The following CCDC40 variants were observed in gnomAD, a reference collection of about 807,000 sequenced individuals.
The protein encoded by CCDC40 is coiled-coil domain 40 molecular ruler complex subunit, also known as coiled-coil domain-containing protein 40.
Under a neutral mutation model 124.5 loss-of-function variants are expected in CCDC40, and 104 were observed. The ratio of observed to expected loss-of-function variants is 0.84; its 90% CI spans 0.71 to 0.98. CCDC40 has a LOEUF of 0.98. CCDC40 is among the 50% of genes least tolerant of loss of function. CCDC40 has a pLI of 0.00. For missense variants in CCDC40, 1,463 were observed against 1,503.9 expected, an observed-to-expected ratio of 0.97 and a Z score of 0.45; for synonymous variants, 580 against 602.9, an observed-to-expected ratio of 0.96 and a Z score of 0.56.
intron 9 of CCDC40, among the ~76,000 whole-genome samples, chr17:80,061,694 C>G (rs2037900992): frequency 6.6e-6 from 1 of 152,208 alleles, no homozygotes. Context: ...CCCTGTTCAT[C>G]GAGCGAAGTC....
intron 9 of CCDC40, among the ~76,000 whole-genome samples, chr17:80,062,278 C>G (rs368172196): frequency 1.6e-4 from 25 of 152,234 alleles, no homozygotes; most frequent in African/African-American, 5.8e-4. Context: ...GACATGGAAA[C>G]CTGTCTCGAT....
At chr17:80,047,619 CCTT>C (rs1320029783) in intron 4 of CCDC40, among the ~76,000 whole-genome samples, 4 of 152,238 alleles carry the variant, frequency 2.6e-5, no homozygotes, top group Non-Finnish European at 4.4e-5. Context: ...AAGTAGGAAT[CCTT>C]CTCCATTTAA....
At position 80,058,592 on chromosome 17, in the gene CCDC40, CA is replaced by C. The variant is rs760807169; in HGVS notation, c.1260del (p.Val421TrpfsTer2). 1 of 1,614,178 alleles carries C rather than the reference CA, an allele frequency of 6.2e-7. No homozygotes were observed. ...GCGTGACGACATCCGCGTGATGACACAAGTGGTAAAGAAGGCCGAGACGGAG... is the reference window on the plus strand; with the variant it reads ...GCGTGACGACATCCGCGTGATGACACAGTGGTAAAGAAGGCCGAGACGGAG... ...DMRDDIRVMT[Q>X]VVKKAETERI... On this transcript the variant is annotated frameshift_variant, in exon 8 of 20. Coordinates refer to ENST00000397545, the MANE Select transcript of CCDC40 (RefSeq NM_017950.4). LOFTEE classifies it high-confidence loss of function. The surrounding 1 kb of genome is among the most constrained non-coding windows in gnomAD (Gnocchi z 4.2).
chr17:80,073,341 C>G lies in CCDC40; in HGVS notation c.1562+7735C>G, dbSNP rs188188903. Among the ~76,000 whole-genome samples, 633 of 152,336 alleles carry G rather than the reference C, an allele frequency of 4.2e-3. 7 individuals are homozygous for G. The highest frequency in any genetic ancestry group is 0.015 in the African/African-American group (617 of 41,576). On this transcript the variant is annotated intron_variant, in intron 10 of 19. Transcript: ENST00000397545. ...GCTCCGTGTGGAGCAAGTCCACCGG[C>G]ACCATCTCTCCAGCGGTGCGTGCTC...
At chr17:80,039,769 T>G in intron 2 of CCDC40, 43 bp from the exon 3 acceptor site, 2 of 1,605,698 alleles carry the variant, frequency 1.2e-6, no homozygotes, top group Non-Finnish European at 1.7e-6. Context: ...ACAAGGTCCT[T>G]TATACTTTGT....
At position 80,087,333 on chromosome 17, in the gene CCDC40, C is replaced by T. The variant is rs2038607208; in HGVS notation, c.2450-274C>T. 9.7e-6 allele frequency: 5 copies of T among 513,970 alleles called. No homozygotes were observed. The East Asian group carries it at 1.8e-4, about 19-fold the overall frequency. 31.8% of individuals were successfully genotyped at this position (513,970 alleles called of 1,614,324 possible). A position where few individuals can be genotyped will look rare whatever the true frequency, so the allele number is the denominator to read the frequency against. On this transcript the variant is annotated intron_variant, in intron 14 of 19. Transcript: ENST00000397545. The surrounding 1 kb of genome is among the most constrained non-coding windows in gnomAD (Gnocchi z 4.5). ...GGCCCTCCCACACGCCCTGCCCACA[C>T]CTGCTGGCTGTCCCCACAGGCAGGT...
intron 19 of CCDC40, 78 bp from the exon 20 acceptor site, chr17:80,099,449 A>C: frequency 6.5e-7 from 1 of 1,536,004 alleles, no homozygotes. Context: ...ATTTCCTGGA[A>C]TCTGAGTTTG....
intron 10 of CCDC40, chr17:80,067,256 A>G (rs11867737): frequency 0.048 from 22,333 of 467,772 alleles, 3,445 homozygotes; most frequent in African/African-American, 0.36. Context: ...CCTCAGAGAC[A>G]TGGCTTCCTT....
chr17:80,038,667 A>G (rs1047731959), intron 2 of CCDC40, among the ~76,000 whole-genome samples: 2 of 151,546 alleles, frequency 1.3e-5, no homozygotes, highest in Non-Finnish European at 2.9e-5. Flanking sequence ...TCTACTAAAA[A>G]TACAAAAATT....
chr17:80,086,230 T>C lies in CCDC40; in HGVS notation c.2449+14T>C. On this transcript the variant is annotated intron_variant, in intron 14 of 19. Coordinates refer to ENST00000397545, the MANE Select transcript of CCDC40 (RefSeq NM_017950.4). This position sits in a 1 kb window ranked among gnomAD's most constrained non-coding sequence, Gnocchi z 5.5. ...TACGAGTAGAAAGTAAGAGCCGCCGTGCCCGGCCCTGCAGTGATGCTGAGA... is the reference window on the plus strand; with the variant it reads ...TACGAGTAGAAAGTAAGAGCCGCCGCGCCCGGCCCTGCAGTGATGCTGAGA... The C allele has an allele frequency of 2.5e-6, 4 of 1,570,536 alleles. No individual in the cohort carries two copies. The highest frequency in any genetic ancestry group is 1.4e-5 in the African/African-American group (1 of 73,866).
chr17:80,062,448 TC>T (rs955511383), intron 9 of CCDC40, among the ~76,000 whole-genome samples: 2 of 144,760 alleles, frequency 1.4e-5, no homozygotes, highest in East Asian at 3.9e-4. Context: ...ATGCTATCTC[TC>T]CCCCCTCCCC....
At chr17:80,090,406 C>G (rs1399758254) in intron 17 of CCDC40, 8 of 848,142 alleles carry the variant, frequency 9.4e-6, no homozygotes, top group Middle Eastern at 3.2e-4. Context: ...ATGAACAACA[C>G]AGGACACACA....
intron 7 of CCDC40, among the ~76,000 whole-genome samples, chr17:80,050,795 G>C (rs1568678298): frequency 6.6e-6 from 1 of 152,214 alleles, no homozygotes; most frequent in Non-Finnish European, 1.5e-5. Flanking sequence ...TGCTGAAGCT[G>C]CTAACAGCCA....
chr17:80,088,405 C>T, intron 16 of CCDC40: 1 of 421,574 alleles, frequency 2.4e-6, no homozygotes, highest in Non-Finnish European at 4.5e-6. Context: ...GTGCCCGCCA[C>T]CATGCCTCAC....
chr17:80,047,595 A>G, intron 4 of CCDC40, 193 bp downstream of exon 4: 1 of 629,434 alleles, frequency 1.6e-6, no homozygotes, highest in Non-Finnish European at 2.8e-6. Context: ...ATTTAATCCT[A>G]ACAGTGACCG....
intron 2 of CCDC40, 124 bp from the exon 3 acceptor site, chr17:80,039,688 T>G: frequency 7.9e-7 from 1 of 1,263,646 alleles, no homozygotes; most frequent in South Asian, 1.5e-5. Flanking sequence ...ACATGATCTC[T>G]TAGTGATGCT....
At chr17:80,074,441 C>T (rs1036695767) in intron 10 of CCDC40, among the ~76,000 whole-genome samples, 4 of 152,246 alleles carry the variant, frequency 2.6e-5, no homozygotes, top group East Asian at 1.9e-4. Context: ...GCCGAGATCG[C>T]GCCACTGCAC....
At chr17:80,067,812 C>A (rs1008879622) in intron 10 of CCDC40, 5 of 1,444,998 alleles carry the variant, frequency 3.5e-6, no homozygotes, top group Non-Finnish European at 4.5e-6. Flanking sequence ...AGTCCCCTGA[C>A]AGCTCAGCAT....
intron 10 of CCDC40, among the ~76,000 whole-genome samples, chr17:80,070,856 T>G (rs2038169234): frequency 6.6e-6 from 1 of 152,212 alleles, no homozygotes; most frequent in South Asian, 2.1e-4. Flanking sequence ...GTCCTGTCCC[T>G]TCTTCCCACC....
Sources: allele counts gnomAD v4.1 joint callset (sites outside exome capture counted in the v4.1 genomes callset), GRCh38; gene constraint gnomAD v4.1.1; non-coding constraint Gnocchi (gnomAD v3.1); transcripts MANE v1.5; gene names NCBI Gene and HGNC (gene_info 2026-07-23, HGNC 2026-07-21).